DLGAP1: variants seen among roughly 807,000 people sequenced by gnomAD.
DLGAP1 encodes the protein disks large-associated protein 1.
A neutral mutation model predicts 90.8 loss-of-function variants in DLGAP1; 11 were observed. The observed-to-expected ratio is 0.12, with a 90% CI of 0.08 to 0.20. DLGAP1 has a LOEUF of 0.20. Among genes scored for constraint, DLGAP1 ranks in the 10% least tolerant of loss-of-function variants. The pLI, the probability that DLGAP1 is intolerant of heterozygous loss-of-function variation, is 1.00. For missense variants in DLGAP1, 1,050 were observed against 1,333.8 expected (o/e 0.79, Z 3.31); for synonymous variants, 558 against 540.7 (o/e 1.03, Z -0.44).
At chr18:3,593,165 A>C (rs2056378547) in intron 7 of DLGAP1, among the ~76,000 whole-genome samples, 1 of 152,050 alleles carries the variant, frequency 6.6e-6, no homozygotes, top group Admixed American at 6.5e-5. Flanking sequence ...CACCTTGTCC[A>C]CTAAAGCACC....
At chr18:4,322,361 CA>C (rs59754969) in intron 1 of DLGAP1, among the ~76,000 whole-genome samples, 2,535 of 152,118 alleles carry the variant, frequency 0.017, 70 homozygotes, top group African/African-American at 0.057. Context: ...AATTGCTTTC[CA>C]ACAAAGGTGC....
intron 1 of DLGAP1, among the ~76,000 whole-genome samples, chr18:4,289,045 A>T (rs867485212): frequency 6.6e-6 from 1 of 152,286 alleles, no homozygotes; most frequent in Non-Finnish European, 1.5e-5. Context: ...TGAAAACGGA[A>T]TAACAGATAA....
At chr18:4,209,591 T>C (rs993438865) in intron 1 of DLGAP1, among the ~76,000 whole-genome samples, 2 of 152,234 alleles carry the variant, frequency 1.3e-5, no homozygotes, top group Non-Finnish European at 2.9e-5. Flanking sequence ...CATATTTAAA[T>C]ATATTTAATT....
intron 7 of DLGAP1, among the ~76,000 whole-genome samples, chr18:3,663,971 A>G (rs1222658456): frequency 2.0e-5 from 3 of 152,166 alleles, no homozygotes; most frequent in African/African-American, 7.2e-5. Context: ...GAACAAAAAG[A>G]CAAAGTAAGA....
chr18:4,159,986 T>C (rs567592716), intron 1 of DLGAP1, among the ~76,000 whole-genome samples: 1 of 152,340 alleles, frequency 6.6e-6, no homozygotes, highest in Non-Finnish European at 1.5e-5. Context: ...TCTTCGCAAA[T>C]AAGATGATTT....
chr18:3,712,295 C>T (rs1166338271), intron 7 of DLGAP1, among the ~76,000 whole-genome samples: 3 of 152,306 alleles, frequency 2.0e-5, no homozygotes, highest in Middle Eastern at 3.4e-3. Context: ...GGGTGGACTT[C>T]GGGAGCAAGA....
At chr18:4,307,272 C>A (rs2080284714) in intron 1 of DLGAP1, among the ~76,000 whole-genome samples, 1 of 152,048 alleles carries the variant, frequency 6.6e-6, no homozygotes, top group Non-Finnish European at 1.5e-5. Context: ...TTAAGACATT[C>A]CAGAAGGTTC....
intron 1 of DLGAP1, among the ~76,000 whole-genome samples, chr18:4,392,219 C>A (rs1420599623): frequency 1.3e-5 from 2 of 152,116 alleles, no homozygotes; most frequent in Non-Finnish European, 2.9e-5. Flanking sequence ...GGCAGCACAG[C>A]CTGAGATTCA....
At chr18:3,556,745 T>C (rs2053772527) in intron 9 of DLGAP1, among the ~76,000 whole-genome samples, 1 of 152,196 alleles carries the variant, frequency 6.6e-6, no homozygotes, top group African/African-American at 2.4e-5. Flanking sequence ...TGAGTGAACA[T>C]AAGTTTTCAA....
intron 1 of DLGAP1, among the ~76,000 whole-genome samples, chr18:4,348,482 GATGTAT>G (rs1382430871): frequency 1.4e-5 from 2 of 147,760 alleles, no homozygotes; most frequent in Admixed American, 1.4e-4. Flanking sequence ...CGCATATGTG[GATGTAT>G]ATGTACACAT....
At chr18:3,758,019 G>A (rs1245984968) in intron 5 of DLGAP1, among the ~76,000 whole-genome samples, 2 of 151,776 alleles carry the variant, frequency 1.3e-5, no homozygotes, top group Non-Finnish European at 2.9e-5. Flanking sequence ...GGGAGGCTGA[G>A]GCAGAGAATT....
At chr18:3,619,631 AC>A (rs2058020900) in intron 7 of DLGAP1, among the ~76,000 whole-genome samples, 1 of 149,952 alleles carries the variant, frequency 6.7e-6, no homozygotes, top group Non-Finnish European at 1.5e-5. Context: ...TTTTCCCACC[AC>A]CCCGTCCTGC....
At chr18:3,992,401 G>T (rs533530705) in intron 3 of DLGAP1, among the ~76,000 whole-genome samples, 1 of 152,230 alleles carries the variant, frequency 6.6e-6, no homozygotes, top group Admixed American at 6.5e-5. Context: ...GTCTCAGCTG[G>T]GTACGGTGGT....
intron 2 of DLGAP1, among the ~76,000 whole-genome samples, chr18:4,016,650 G>GT (rs1464924801): frequency 2.0e-5 from 3 of 148,976 alleles, no homozygotes; most frequent in Non-Finnish European, 4.5e-5. Flanking sequence ...CAAGACCTGC[G>GT]TAAGTGTTCC....
intron 2 of DLGAP1, among the ~76,000 whole-genome samples, chr18:4,017,248 A>G (rs1052933199): frequency 1.3e-5 from 2 of 152,168 alleles, no homozygotes; most frequent in African/African-American, 2.4e-5. Flanking sequence ...AGGGTAGTAG[A>G]GCAAAGAAAG....
At chr18:4,007,576 A>G (rs538677289) in intron 2 of DLGAP1, among the ~76,000 whole-genome samples, 1,800 of 152,238 alleles carry the variant, frequency 0.012, 16 homozygotes, top group Non-Finnish European at 0.015. Flanking sequence ...GAATCACTTG[A>G]ACCCAGGAGG....
At chr18:3,940,193 A>G (rs1025970725) in intron 3 of DLGAP1, among the ~76,000 whole-genome samples, 4 of 152,186 alleles carry the variant, frequency 2.6e-5, no homozygotes, top group Admixed American at 2.6e-4. Context: ...CCTCCTGCAA[A>G]CAGCTACCAT....
chr18:3,878,927 C>T (rs2071073014), intron 4 of DLGAP1, among the ~76,000 whole-genome samples, 185 bp downstream of exon 4: 1 of 152,208 alleles, frequency 6.6e-6, no homozygotes, highest in South Asian at 2.1e-4. Context: ...CCGGTGAGGT[C>T]GGTAGCATTT....
intron 10 of DLGAP1, among the ~76,000 whole-genome samples, chr18:3,533,490 G>A (rs1047720738): frequency 3.3e-5 from 5 of 152,136 alleles, no homozygotes; most frequent in African/African-American, 1.2e-4. Flanking sequence ...TTTTAATGCT[G>A]TATGTTAATG....
Sources: allele counts gnomAD v4.1 joint callset (sites outside exome capture counted in the v4.1 genomes callset), GRCh38; gene constraint gnomAD v4.1.1; transcripts MANE v1.5; gene names NCBI Gene and HGNC (gene_info 2026-07-23, HGNC 2026-07-21).